NAA60: variants seen among roughly 807,000 people sequenced by gnomAD.
NAA60 encodes N-alpha-acetyltransferase 60.
NAA60 carries 8 observed loss-of-function variants against 26.1 expected under a neutral mutation model. That is an observed-to-expected ratio of 0.31 (90% CI 0.18 to 0.55). The LOEUF is 0.55. NAA60 is among the 20% of genes least tolerant of loss of function. NAA60 has a pLI of 0.93. For synonymous variants in NAA60, 131 were observed against 122.5 expected (o/e 1.07, Z -0.46); for missense variants, 290 against 311.3 (o/e 0.93, Z 0.51).
chr16:3,463,803 C>T (rs76370462), intron 2 of NAA60, among the ~76,000 whole-genome samples: 9,609 of 151,922 alleles, frequency 0.063, 376 homozygotes, highest in Middle Eastern at 0.092. Flanking sequence ...CCCTAAAGTT[C>T]GAGACCAGCT....
chr16:3,467,385 G>A (rs1231770218), intron 2 of NAA60, among the ~76,000 whole-genome samples: 1 of 152,154 alleles, frequency 6.6e-6, no homozygotes, highest in Non-Finnish European at 1.5e-5. Flanking sequence ...AACACTGGGA[G>A]TCTGCTCCTG....
chr16:3,451,030 A>C (rs991634735), intron 2 of NAA60, among the ~76,000 whole-genome samples: 2 of 152,234 alleles, frequency 1.3e-5, no homozygotes, highest in Non-Finnish European at 1.5e-5. Context: ...TTAGTAAATA[A>C]TGCATTTACT....
At position 3,469,536 on chromosome 16, in the gene NAA60, CATCCTGTTTG is replaced by C. The variant is rs2035991390; in HGVS notation, c.-6-6685_-6-6676del. Reference sequence around the variant, plus strand: ...CTCCGCACAGCACTGCCCTGGTACCCATCCTGTTTGGAGGGCTCAGAGCAGAGAGCACCTG... The same window carrying C: ...CTCCGCACAGCACTGCCCTGGTACCCGAGGGCTCAGAGCAGAGAGCACCTG... On this transcript the variant is annotated intron_variant, in intron 2 of 7. Coordinates refer to ENST00000407558, the MANE Select transcript of NAA60 (RefSeq NM_001083601.3). 1.6e-5 allele frequency among the ~76,000 whole-genome samples: 2 copies of C among 125,632 alleles called. 1 individual carries two copies. The highest frequency in any genetic ancestry group is 5.7e-4 in the South Asian group (2 of 3,532). The allele number at this position is 125,632 out of a possible 152,430, so 82.4% of individuals were successfully genotyped here.
chr16:3,483,625 C>G, intron 6 of NAA60, 28 bp downstream of exon 6: 3 of 1,543,636 alleles, frequency 1.9e-6, no homozygotes, highest in Non-Finnish European at 2.7e-6. Context: ...GGGAGAGGGA[C>G]TGTGGCTTCC....
chr16:3,456,624 C>G (rs1198528417), intron 2 of NAA60: 1 of 152,146 alleles, frequency 6.6e-6, no homozygotes, highest in African/African-American at 2.4e-5. Context: ...TAGCCTGATC[C>G]TGCTGCAGGA....
intron 4 of NAA60, among the ~76,000 whole-genome samples, chr16:3,480,489 T>C (rs1318545179): frequency 6.7e-6 from 1 of 149,864 alleles, no homozygotes. Flanking sequence ...CCCAGCTATT[T>C]GGGAGGCTGA....
At chr16:3,461,440 C>G (rs1028465968) in intron 2 of NAA60, among the ~76,000 whole-genome samples, 1 of 152,180 alleles carries the variant, frequency 6.6e-6, no homozygotes, top group South Asian at 2.1e-4. Context: ...AAACAAGGGC[C>G]ACTCCCTAGT....
intron 2 of NAA60, chr16:3,456,810 A>G (rs531829505): frequency 6.6e-6 from 1 of 151,244 alleles, no homozygotes; most frequent in Non-Finnish European, 1.5e-5. Flanking sequence ...TTTTTTTTAG[A>G]TGGAGTTTTG....
intron 1 of NAA60, chr16:3,447,437 C>G: frequency 1.0e-6 from 1 of 984,462 alleles, no homozygotes; most frequent in Non-Finnish European, 1.2e-6. Flanking sequence ...AACATGATTT[C>G]CAGAATGAAT....
At position 3,476,263 on chromosome 16, in the gene NAA60, G is replaced by C. The variant is rs1352981165; in HGVS notation, c.36G>C (p.Glu12Asp). 1 of 1,613,882 alleles carries C rather than the reference G, an allele frequency of 6.2e-7. No individual in the cohort carries two copies. The highest frequency in any genetic ancestry group is 1.1e-5 in the South Asian group (1 of 91,044). ...TGGTGCCATCCAGCGCGCTCAGCGA[G>C]GTCAGCCTGCGCCTCCTCTGCCACG... ...TEVVPSSALS[E>D]VSLRLLCHDD... Residue 12 changes from glutamate (E) to aspartate (D), a missense_variant, in exon 3 of 8, where the codon GAG (glutamate) becomes GAC (aspartate). Physicochemically the swap from Glu to Asp is conservative, Grantham distance 45. Coordinates refer to ENST00000407558, the MANE Select transcript of NAA60 (RefSeq NM_001083601.3).
At chr16:3,478,160 C>G (rs760485122) in intron 3 of NAA60, among the ~76,000 whole-genome samples, 4 of 152,094 alleles carry the variant, frequency 2.6e-5, no homozygotes, top group Admixed American at 6.5e-5. Context: ...CACTTGAACC[C>G]GCGAGTCAGA....
At chr16:3,483,000 T>G (rs932434081) in intron 5 of NAA60, 2 of 466,990 alleles carry the variant, frequency 4.3e-6, no homozygotes, top group Non-Finnish European at 7.7e-6. Flanking sequence ...CCCACCCCAC[T>G]CGGCCACACG....
At chr16:3,467,787 C>G (rs1690443) in intron 2 of NAA60, 20,153 of 152,210 alleles carry the variant, frequency 0.13, 1,702 homozygotes, top group Non-Finnish European at 0.19. Context: ...CCCCTGTGGG[C>G]TGAGCACATG....
intron 2 of NAA60, among the ~76,000 whole-genome samples, chr16:3,461,772 AG>A (rs2035410941): frequency 6.6e-6 from 1 of 152,190 alleles, no homozygotes; most frequent in Admixed American, 6.5e-5. Context: ...GAAAAACAAA[AG>A]AAAGGCATTT....
chr16:3,465,157 C>T (rs1280852885), intron 2 of NAA60, among the ~76,000 whole-genome samples: 1 of 151,638 alleles, frequency 6.6e-6, no homozygotes, highest in Non-Finnish European at 1.5e-5. Flanking sequence ...GCCCCAGCTA[C>T]TCGGGAGGCT....
At chr16:3,460,416 TG>T (rs1306557998) in intron 2 of NAA60, among the ~76,000 whole-genome samples, 3 of 152,118 alleles carry the variant, frequency 2.0e-5, no homozygotes, top group African/African-American at 7.2e-5. Context: ...CAGGCTAGAA[TG>T]CAGTGGCGTA....
chr16:3,448,599 T>C, intron 2 of NAA60, 59 bp downstream of exon 2: 1 of 1,410,102 alleles, frequency 7.1e-7, no homozygotes, highest in Admixed American at 2.2e-5. Context: ...AGAGGAAGCC[T>C]ACTTAAGTGA....
chr16:3,474,402 C>A (rs905676724), intron 2 of NAA60, among the ~76,000 whole-genome samples: 5 of 152,198 alleles, frequency 3.3e-5, no homozygotes, highest in Non-Finnish European at 5.9e-5. Flanking sequence ...CAGAGAACCA[C>A]CCTGGGGAGG....
intron 3 of NAA60, 57 bp downstream of exon 3, chr16:3,476,394 T>A: frequency 7.0e-7 from 1 of 1,433,826 alleles, no homozygotes; most frequent in Non-Finnish European, 9.7e-7. Context: ...GTGCAGAAGC[T>A]GGGCGGCGGG....
Sources: allele counts gnomAD v4.1 joint callset (sites outside exome capture counted in the v4.1 genomes callset), GRCh38; gene constraint gnomAD v4.1.1; transcripts MANE v1.5; gene names NCBI Gene and HGNC (gene_info 2026-07-23, HGNC 2026-07-21).